The following ZNF423 variants were observed in gnomAD, a reference collection of about 807,000 sequenced individuals.
ZNF423 encodes zinc finger protein 423, also known as Ebf-associated zinc finger protein.
In ZNF423, 12 loss-of-function variants were observed where a neutral mutation model predicts 95.8. That is an observed-to-expected ratio of 0.13 (90% CI 0.08 to 0.20). The LOEUF is 0.20. Among genes scored for constraint, ZNF423 ranks in the 10% least tolerant of loss-of-function variants. ZNF423 has a pLI of 1.00. For missense variants in ZNF423, 1,316 were observed against 1,737.1 expected (o/e 0.76, Z 4.31); for synonymous variants, 749 against 711.9 (o/e 1.05, Z -0.83).
At chr16:49,690,986 C>T (rs558591373) in intron 3 of ZNF423, among the ~76,000 whole-genome samples, 31 of 152,332 alleles carry the variant, frequency 2.0e-4, no homozygotes, top group African/African-American at 6.7e-4. Context: ...GTGAGCTCCC[C>T]GGCAGCCCAT....
chr16:49,616,249 C>CA (rs1327477144), intron 5 of ZNF423, among the ~76,000 whole-genome samples: 1 of 152,130 alleles, frequency 6.6e-6, no homozygotes, highest in East Asian at 1.9e-4. Flanking sequence ...TGTTCTCACT[C>CA]ATTTGTAGGA....
intron 3 of ZNF423, among the ~76,000 whole-genome samples, chr16:49,663,264 T>C (rs1024596390): frequency 2.0e-5 from 3 of 152,140 alleles, no homozygotes; most frequent in Admixed American, 6.5e-5. Flanking sequence ...CGCTGTGTAA[T>C]TGCAGAACCT....
chr16:49,800,703 C>A (rs150543323), intron 1 of ZNF423, among the ~76,000 whole-genome samples: 1 of 152,228 alleles, frequency 6.6e-6, no homozygotes, highest in Non-Finnish European at 1.5e-5. Context: ...CACATACTGG[C>A]TCCCCTTCCA....
chr16:49,503,715 G>GAC (rs1967524791), intron 7 of ZNF423, among the ~76,000 whole-genome samples: 1 of 152,178 alleles, frequency 6.6e-6, no homozygotes. Flanking sequence ...TGCCCCTCAT[G>GAC]ACACCATCAG....
intron 5 of ZNF423, among the ~76,000 whole-genome samples, chr16:49,569,933 G>C (rs1970305128): frequency 6.6e-6 from 1 of 152,204 alleles, no homozygotes; most frequent in South Asian, 2.1e-4. Flanking sequence ...TGTGGCAGGG[G>C]CGTAAGCAAC....
chr16:49,625,910 C>T (rs1353734939), intron 5 of ZNF423, among the ~76,000 whole-genome samples: 2 of 152,140 alleles, frequency 1.3e-5, no homozygotes, highest in Non-Finnish European at 2.9e-5. Flanking sequence ...CACTTTGTTT[C>T]AGAAACGGAG....
At chr16:49,677,238 G>GAAGAGAA (rs2031098919) in intron 3 of ZNF423, among the ~76,000 whole-genome samples, 1 of 16,876 alleles carries the variant, frequency 5.9e-5, no homozygotes, top group Non-Finnish European at 1.2e-4. Flanking sequence ...AAAGAGAAGA[G>GAAGAGAA]AAGAGAAGAT....
intron 1 of ZNF423, among the ~76,000 whole-genome samples, chr16:49,830,507 G>T (rs2035050172): frequency 6.6e-6 from 1 of 152,158 alleles, no homozygotes; most frequent in South Asian, 2.1e-4. Flanking sequence ...CCGTATGTTG[G>T]CCTGAGATTG....
chr16:49,630,363 T>C (rs772850877), intron 4 of ZNF423, among the ~76,000 whole-genome samples: 29 of 152,036 alleles, frequency 1.9e-4, no homozygotes, highest in Non-Finnish European at 3.7e-4. Context: ...CCCCACCTAC[T>C]CTGCTTGGCA....
At chr16:49,817,226 G>A (rs2034869519) in intron 1 of ZNF423, among the ~76,000 whole-genome samples, 1 of 152,224 alleles carries the variant, frequency 6.6e-6, no homozygotes, top group Non-Finnish European at 1.5e-5. Context: ...CGGAGTCCTA[G>A]CAGCGGAGAG....
chr16:49,548,779 C>T (rs1969527833), intron 5 of ZNF423, among the ~76,000 whole-genome samples: 2 of 152,168 alleles, frequency 1.3e-5, no homozygotes, highest in East Asian at 3.9e-4. Flanking sequence ...TTCCCAAGAG[C>T]GCTGGGTCCA....
chr16:49,568,133 T>A (rs1200093459), intron 5 of ZNF423, among the ~76,000 whole-genome samples: 1 of 152,116 alleles, frequency 6.6e-6, no homozygotes, highest in African/African-American at 2.4e-5. Flanking sequence ...GTGTATGCCA[T>A]GCCTCTGGAT....
At chr16:49,544,501 G>A (rs1217643885) in intron 5 of ZNF423, among the ~76,000 whole-genome samples, 1 of 152,226 alleles carries the variant, frequency 6.6e-6, no homozygotes, top group Non-Finnish European at 1.5e-5. Context: ...AAATATTTGG[G>A]ATGGGGGTCG....
At position 49,635,642 on chromosome 16, in the gene ZNF423, G is replaced by T. The variant is rs1972661594; in HGVS notation, c.3516+18C>A. The stretch of plus-strand genomic sequence containing the variant: ...CAAGGAGAGGAGCAGGGAGCAGGAT[G>T]AGGTGGACTGCACTTACCCGGGGCA... On this transcript the variant is annotated intron_variant, in intron 4 of 7. Transcript: ENST00000563137. The surrounding 1 kb of genome is among the most constrained non-coding windows in gnomAD (Gnocchi z 4.8). 6.5e-7 allele frequency: 1 copy of T among 1,536,776 alleles called. No individual in the cohort carries two copies. Among genetic ancestry groups the T allele is most frequent in the Non-Finnish European group, 8.7e-7 (1 of 1,144,656 alleles).
At chr16:49,723,815 G>A (rs1003354769) in intron 3 of ZNF423, among the ~76,000 whole-genome samples, 1 of 152,196 alleles carries the variant, frequency 6.6e-6, no homozygotes, top group Admixed American at 6.5e-5. Context: ...GTTGCTGAGA[G>A]AGCCATCTGT....
chr16:49,722,544 T>C (rs553330902), intron 3 of ZNF423, among the ~76,000 whole-genome samples: 2 of 152,348 alleles, frequency 1.3e-5, no homozygotes, highest in South Asian at 4.1e-4. Flanking sequence ...ACTTATTGTA[T>C]GAACGAACCA....
In ZNF423 at chr16:49,602,379, TAGA is replaced by T. The variant is rs552367415; in HGVS notation, c.3601+23788_3601+23790del. 1.6e-3 allele frequency among the ~76,000 whole-genome samples: 250 copies of T among 152,200 alleles called. 2 individuals are homozygous for T. The highest frequency in any genetic ancestry group is 2.2e-3 in the Non-Finnish European group (150 of 68,006). On this transcript the variant is annotated intron_variant, in intron 5 of 7. Transcript: ENST00000563137. ...TTTCTGCACTCGAAGAGTTTCACCG[TAGA>T]AGATGTCCACAGCCTTGACAGCCCA... is the stretch of plus-strand genomic sequence containing the variant.
intron 5 of ZNF423, among the ~76,000 whole-genome samples, chr16:49,617,880 G>T (rs1971929205): frequency 6.6e-6 from 1 of 152,076 alleles, no homozygotes; most frequent in Admixed American, 6.5e-5. Context: ...CCCTCCCAGT[G>T]CACTTTTCAC....
In ZNF423 at chr16:49,797,057, C is replaced by G. The variant is rs541958190; in HGVS notation, c.41-7511G>C. On this transcript the variant is annotated intron_variant, in intron 1 of 7. Transcript: ENST00000563137. ...TGTCCCAGCAGAGGTGGTGGCCAGGCAAGGGGCACGTGACTGCCCCTCCTT... is the reference window on the plus strand; with the variant it reads ...TGTCCCAGCAGAGGTGGTGGCCAGGGAAGGGGCACGTGACTGCCCCTCCTT... Among the ~76,000 whole-genome samples, 290 of 152,232 alleles carry G rather than the reference C, an allele frequency of 1.9e-3. 1 individual carries two copies. The highest frequency in any genetic ancestry group is 3.3e-3 in the Non-Finnish European group (226 of 68,012).
Sources: gnomAD v4.1 joint callset for allele counts (sites outside exome capture counted in the v4.1 genomes callset) on GRCh38, gnomAD v4.1.1 for gene constraint, Gnocchi (gnomAD v3.1) non-coding constraint, MANE v1.5 for transcripts, NCBI Gene and HGNC (gene_info 2026-07-23, HGNC 2026-07-21) for gene names.